IARS1: variants seen among roughly 807,000 people sequenced by gnomAD.
IARS1 encodes isoleucine--tRNA ligase, cytoplasmic.
In IARS1, 124 loss-of-function variants were observed where a neutral mutation model predicts 168.2. The ratio of observed to expected loss-of-function variants is 0.74; its 90% CI spans 0.64 to 0.86. IARS1 has a LOEUF of 0.86. Ranked by LOEUF, IARS1 falls within the 40% of genes least tolerant of loss-of-function variation. The pLI, the probability that IARS1 is intolerant of heterozygous loss-of-function variation, is 0.00. For missense variants in IARS1, 1,452 were observed against 1,515.8 expected (o/e 0.96, Z 0.70); for synonymous variants, 532 against 529.4 (o/e 1.00, Z -0.07).
intron 10 of IARS1, among the ~76,000 whole-genome samples, chr9:92,273,867 G>A (rs928830640): frequency 1.1e-4 from 16 of 152,196 alleles, no homozygotes; most frequent in African/African-American, 3.6e-4. Context: ...TGCTACAGAG[G>A]AGGCAAAAGA....
chr9:92,215,778 G>C (rs975105892), intron 33 of IARS1, among the ~76,000 whole-genome samples: 1 of 151,750 alleles, frequency 6.6e-6, no homozygotes, highest in Non-Finnish European at 1.5e-5. Flanking sequence ...TATGTGAAAA[G>C]ACCAAATCTA....
At chr9:92,271,802 A>C in intron 10 of IARS1, 147 bp from the exon 11 acceptor site, 2 of 856,116 alleles carry the variant, frequency 2.3e-6, no homozygotes, top group Non-Finnish European at 3.6e-6. Context: ...ACTCAAGACC[A>C]TTCGGAGAAT....
chr9:92,219,647 G>A (rs953948421), intron 33 of IARS1, among the ~76,000 whole-genome samples: 8 of 151,374 alleles, frequency 5.3e-5, no homozygotes, highest in African/African-American at 2.0e-4. Context: ...CATGTATGCA[G>A]CCAAAAAACA....
Position 92,256,732 on chromosome 9 carries a change from C to T in IARS1, c.2085G>A (p.Trp695Ter). Residue 695 changes from tryptophan to a stop codon, truncating the protein, a stop_gained, in exon 20 of 34, where the codon TGG (tryptophan) becomes TGA (stop). Transcript: ENST00000443024. LOFTEE classifies it high-confidence loss of function. Reference sequence around the variant, plus strand: ...TGAGAGACTGCATGAAGGACAGGATCCACCGGTCTGTAATGTTGGGGCTTT... The same window carrying T: ...TGAGAGACTGCATGAAGGACAGGATTCACCGGTCTGTAATGTTGGGGCTTT... ...VRESPNITDR[W>*]ILSFMQSLIG... The T allele has an allele frequency of 6.2e-7, 1 of 1,613,940 alleles. No individual in the cohort carries two copies. The highest frequency in any genetic ancestry group is 8.5e-7 in the Non-Finnish European group (1 of 1,179,880).
intron 30 of IARS1, among the ~76,000 whole-genome samples, chr9:92,233,949 C>CG (rs1254640393): frequency 2.0e-5 from 3 of 152,022 alleles, no homozygotes; most frequent in African/African-American, 7.2e-5. Flanking sequence ...CTTGTAGAGA[C>CG]GGGGTCTCAC....
chr9:92,233,235 T>C (rs1386070324), intron 30 of IARS1, among the ~76,000 whole-genome samples: 1 of 152,252 alleles, frequency 6.6e-6, no homozygotes, highest in Non-Finnish European at 1.5e-5. Flanking sequence ...TGGTCTAATG[T>C]TATCAGTCAT....
rs556401277 is a variant in IARS1, at chr9:92,250,729, T to C, written c.2413A>G (p.Met805Val). The C allele has an allele frequency of 3.1e-6, 5 of 1,610,672 alleles. No homozygotes were observed. The African/African-American group carries it at 4.0e-5, about 13-fold the overall frequency. The stretch of plus-strand genomic sequence containing the variant: ...GAGTCCTACCGAACACGGGGCAGCA[T>C]GAGGTAGTGAATGCTGAGTGTGTCC... ...DKDTLSIHYL[M>V]LPRVREELID... The change falls in exon 23 of 34, where the codon ATG (methionine) becomes GTG (valine). Residue 805 changes from methionine (M) to valine (V), a missense_variant. By Grantham distance (21) the Met-to-Val change is conservative. Transcript: ENST00000443024.
chr9:92,259,171 T>C (rs113854934), intron 18 of IARS1, among the ~76,000 whole-genome samples, 173 bp from the exon 19 acceptor site: 1 of 152,228 alleles, frequency 6.6e-6, no homozygotes, highest in African/African-American at 2.4e-5. Flanking sequence ...ACTCTCACTT[T>C]CTATAAGAGA....
rs1836442967 is a variant in IARS1, at chr9:92,292,110, TG to T, written c.-8+1500del. Among the ~76,000 whole-genome samples, 3 of 149,094 alleles carry T rather than the reference TG, an allele frequency of 2.0e-5. No homozygotes were observed. The Admixed American group carries it at 2.0e-4, about 10-fold the overall frequency. ...TGGCTCACTGCAGCCTTGACCTCCC[TG>T]GGTTCAGGTGTTCCTCCCAGTTTAG... On this transcript the variant is annotated intron_variant, in intron 1 of 33. Coordinates refer to ENST00000443024, the MANE Select transcript of IARS1 (RefSeq NM_002161.6).
chr9:92,265,071 T>C lies in IARS1; in HGVS notation c.1558A>G (p.Ile520Val). 1.2e-6 allele frequency: 2 copies of C among 1,614,148 alleles called. No homozygotes were observed. The highest frequency in any genetic ancestry group is 1.6e-4 in the Middle Eastern group (1 of 6,062). The change falls in exon 16 of 34, where the codon ATC (isoleucine) becomes GTC (valine). Residue 520 changes from isoleucine to valine, a missense_variant. By Grantham distance (29) the Ile-to-Val change is conservative (BLOSUM62 3). Coordinates refer to ENST00000443024, the MANE Select transcript of IARS1 (RefSeq NM_002161.6). ...AACCAACAGTCAAACACTTCAGAGA[T>C]GCGGTGCAAGGATCCCTTCCCACAG... ...SRCGKGSLHR[I>V]SEVFDCWFES...
chr9:92,219,674 T>G (rs1309267586), intron 33 of IARS1, among the ~76,000 whole-genome samples: 4 of 149,386 alleles, frequency 2.7e-5, no homozygotes, highest in African/African-American at 1.0e-4. Context: ...AAAATGCTCA[T>G]CATCACTGGC....
At chr9:92,253,539 C>A in intron 20 of IARS1, 86 bp from the exon 21 acceptor site, 2 of 794,570 alleles carry the variant, frequency 2.5e-6, no homozygotes, top group South Asian at 2.9e-5. Context: ...AAAGAAGGGG[C>A]AGCTCCTTCC....
intron 30 of IARS1, among the ~76,000 whole-genome samples, chr9:92,239,628 G>A (rs776183920): frequency 2.6e-5 from 4 of 152,140 alleles, no homozygotes; most frequent in Non-Finnish European, 4.4e-5. Flanking sequence ...TAAATGGGAG[G>A]GATGCCTTGT....
intron 33 of IARS1, among the ~76,000 whole-genome samples, chr9:92,220,654 A>T (rs901885145): frequency 6.6e-6 from 1 of 152,044 alleles, no homozygotes; most frequent in African/African-American, 2.4e-5. Flanking sequence ...CAAACAAAAA[A>T]CACGAATAGA....
chr9:92,251,819 A>G lies in IARS1; in HGVS notation c.2296T>C (p.Cys766Arg), dbSNP rs754734776. Residue 766 changes from cysteine (C) to arginine (R), a missense_variant, in exon 22 of 34, where the codon TGC becomes CGC. By Grantham distance (180) the Cys-to-Arg change is radical. Transcript: ENST00000443024. ...GCCAATCATCTTACCATAAGTCTGC[A>G]AAGAGAAAGCAGAACACTAAACAAG... ...ETLFSVLLSL[C>R]RLMAPYTPFL... The G allele has an allele frequency of 3.7e-6, 6 of 1,613,494 alleles. No individual in the cohort carries two copies. Among genetic ancestry groups the G allele is most frequent in the Non-Finnish European group, 5.1e-6 (6 of 1,179,460 alleles).
chr9:92,293,534 G>T, intron 1 of IARS1, 77 bp downstream of exon 1: 1 of 519,712 alleles, frequency 1.9e-6, no homozygotes, highest in Non-Finnish European at 3.9e-6. Flanking sequence ...TAAATCTTGT[G>T]CTACTGTTTC....
chr9:92,253,805 A>T (rs752086197), intron 20 of IARS1: 1 of 495,490 alleles, frequency 2.0e-6, no homozygotes, highest in South Asian at 1.5e-5. Flanking sequence ...GCAATTTGAC[A>T]GCATCAACAA....
In IARS1 at chr9:92,269,993, C is replaced by T. The variant is rs1418759816; in HGVS notation, c.1206-10G>A. The stretch of plus-strand genomic sequence containing the variant: ...TAGAGGAGTGTCTGATCTGGGGAAG[C>T]AGAAACACACACATAGCTGCTCAGG... On this transcript the variant is annotated splice_polypyrimidine_tract_variant and intron_variant, in intron 12 of 33. Coordinates refer to ENST00000443024, the MANE Select transcript of IARS1 (RefSeq NM_002161.6). 1 of 1,570,626 alleles carries T rather than the reference C, an allele frequency of 6.4e-7. No homozygotes were observed. The highest frequency in any genetic ancestry group is 8.8e-7 in the Non-Finnish European group (1 of 1,140,450).
At chr9:92,244,796 C>T (rs1828939611) in intron 27 of IARS1, among the ~76,000 whole-genome samples, 163 bp downstream of exon 27, 1 of 152,108 alleles carries the variant, frequency 6.6e-6, no homozygotes, top group Non-Finnish European at 1.5e-5. Context: ...ATGTTAAGGG[C>T]ATAATAATAT....
Sources: allele counts gnomAD v4.1 joint callset (sites outside exome capture counted in the v4.1 genomes callset), GRCh38; gene constraint gnomAD v4.1.1; transcripts MANE v1.5; gene names NCBI Gene and HGNC (gene_info 2026-07-23, HGNC 2026-07-21).